VWA8: variants seen among roughly 807,000 people sequenced by gnomAD.
VWA8 encodes von Willebrand factor A domain containing 8.
Under a neutral mutation model 241.5 loss-of-function variants are expected in VWA8, and 221 were observed. That is an observed-to-expected ratio of 0.91 (90% CI 0.82 to 1.02). VWA8 has a LOEUF of 1.02. Ranked by LOEUF, VWA8 falls within the 50% of genes least tolerant of loss-of-function variation. VWA8 has a pLI of 0.00. For synonymous variants in VWA8, 852 were observed against 827.1 expected (o/e 1.03, Z -0.52); for missense variants, 2,322 against 2,328.7 (o/e 1.00, Z 0.06).
intron 9 of VWA8, among the ~76,000 whole-genome samples, chr13:41,871,553 G>C (rs1259612262): frequency 6.6e-6 from 1 of 152,104 alleles, no homozygotes; most frequent in Admixed American, 6.6e-5. Flanking sequence ...AGAATATGCG[G>C]TGTTTGGTTT....
chr13:41,713,355 C>T (rs2045330222), intron 26 of VWA8, among the ~76,000 whole-genome samples: 1 of 152,094 alleles, frequency 6.6e-6, no homozygotes. Flanking sequence ...CAAAAACAAC[C>T]ACTACAAACA....
intron 41 of VWA8, among the ~76,000 whole-genome samples, chr13:41,589,961 G>A (rs372413946): frequency 6.6e-6 from 1 of 152,250 alleles, no homozygotes; most frequent in East Asian, 1.9e-4. Context: ...GTTTCACCCC[G>A]GTGCACATTA....
chr13:41,586,683 T>C (rs1475213361), intron 42 of VWA8, among the ~76,000 whole-genome samples: 1 of 152,118 alleles, frequency 6.6e-6, no homozygotes, highest in African/African-American at 2.4e-5. Flanking sequence ...CTGGGGTGCA[T>C]GTGGGATGTC....
chr13:41,936,705 T>C (rs1005422660), intron 2 of VWA8, among the ~76,000 whole-genome samples: 5 of 152,206 alleles, frequency 3.3e-5, no homozygotes, highest in Admixed American at 1.3e-4. Context: ...CTATAGTTAT[T>C]AACAATGTAT....
At position 41,886,740 on chromosome 13, in the gene VWA8, T is replaced by G. The variant is rs749802257; in HGVS notation, c.866+41A>C. 3.3e-6 allele frequency: 5 copies of G among 1,503,756 alleles called. No homozygotes were observed. In the African/African-American group the frequency reaches 7.0e-5, roughly 21 times the overall value. 93.2% of individuals were successfully genotyped at this position (1,503,756 alleles called of 1,614,324 possible). On this transcript the variant is annotated intron_variant, in intron 7 of 44. Transcript: ENST00000379310. ...TCAATCAATGAACAGGCAAAACAAA[T>G]TCAATATTCAGTGTCCAGACATTTA...
intron 20 of VWA8, among the ~76,000 whole-genome samples, chr13:41,764,412 T>C (rs1008999216): frequency 6.6e-6 from 1 of 152,130 alleles, no homozygotes; most frequent in African/African-American, 2.4e-5. Flanking sequence ...ACTGTACTAG[T>C]TGAGCTGGAT....
chr13:41,708,401 C>T (rs774254392), intron 26 of VWA8, among the ~76,000 whole-genome samples: 39 of 152,074 alleles, frequency 2.6e-4, no homozygotes, highest in South Asian at 1.7e-3. Flanking sequence ...AAAAAGCCAG[C>T]ACATTAAAGA....
chr13:41,670,761 T>A (rs2045016658), intron 37 of VWA8, among the ~76,000 whole-genome samples, 185 bp downstream of exon 37: 1 of 152,254 alleles, frequency 6.6e-6, no homozygotes, highest in African/African-American at 2.4e-5. Context: ...GGCACATTTT[T>A]ACTTTTTCAT....
chr13:41,605,065 T>C (rs1417609532), intron 40 of VWA8, 103 bp downstream of exon 40: 4 of 1,080,596 alleles, frequency 3.7e-6, no homozygotes, highest in South Asian at 2.9e-5. Flanking sequence ...GAGACATTTT[T>C]TCGGACTGGC....
chr13:41,912,894 G>C (rs934900891), intron 2 of VWA8, among the ~76,000 whole-genome samples: 7 of 152,146 alleles, frequency 4.6e-5, no homozygotes, highest in African/African-American at 1.7e-4. Context: ...CAATTAGTTT[G>C]GTTTTGCTCA....
chr13:41,751,458 G>A (rs957675175), intron 21 of VWA8, among the ~76,000 whole-genome samples: 6 of 152,152 alleles, frequency 3.9e-5, no homozygotes, highest in African/African-American at 1.2e-4. Context: ...TAAGAATGCT[G>A]TGATGACTCA....
intron 21 of VWA8, among the ~76,000 whole-genome samples, chr13:41,758,408 ATATATATATATATATATATATACG>A (rs2045712762): frequency 2.6e-5 from 2 of 76,350 alleles, no homozygotes; most frequent in African/African-American, 4.7e-5. Flanking sequence ...GTATATATAT[ATATATATATATATATATATATACG>A]CTAGTATATA....
At chr13:41,882,049 G>A (rs1781836920) in intron 9 of VWA8, among the ~76,000 whole-genome samples, 1 of 129,846 alleles carries the variant, frequency 7.7e-6, no homozygotes, top group African/African-American at 3.2e-5. Flanking sequence ...CTTCTCAGAC[G>A]GGCGGTTGCC....
intron 40 of VWA8, among the ~76,000 whole-genome samples, chr13:41,600,321 T>C (rs893910542): frequency 1.3e-5 from 2 of 152,148 alleles, no homozygotes; most frequent in Non-Finnish European, 2.9e-5. Flanking sequence ...GTCAGGACTA[T>C]ATTTCTAGGC....
intron 35 of VWA8, among the ~76,000 whole-genome samples, chr13:41,680,416 C>CT (rs1397326652): frequency 6.6e-6 from 1 of 152,088 alleles, no homozygotes; most frequent in Non-Finnish European, 1.5e-5. Flanking sequence ...TTCTTTCTCT[C>CT]TTTTTTTACA....
At position 41,786,468 on chromosome 13, in the gene VWA8, C is replaced by T. The variant is rs149399101; in HGVS notation, c.2170+969G>A. On this transcript the variant is annotated intron_variant, in intron 18 of 44. Transcript: ENST00000379310. ...AGTCTCTTCACTTAGGCTCCTTATC[C>T]CCTACATGAGGCTTAGATGGGCACT... Among the ~76,000 whole-genome samples, 920 of 152,186 alleles carry T rather than the reference C, an allele frequency of 6.0e-3. 7 individuals are homozygous for T. Among genetic ancestry groups the T allele is most frequent in the Middle Eastern group, 0.054 (16 of 294 alleles).
Position 41,689,375 on chromosome 13 carries a change from A to G in VWA8, c.4110T>C (p.Val1370=). ...LSDEKNYATI[V]VGFPDLMSPS... ...TTACCATGAGATCTGGAAAACCAAC[A>G]ACTATTGTAGCATAATTTTTCTCAT... The change falls in exon 34 of 45, where the codon GTT becomes GTC. Residue 1370 remains valine, a synonymous_variant. Coordinates refer to ENST00000379310, the MANE Select transcript of VWA8 (RefSeq NM_015058.2). 1 of 1,609,724 alleles carries G rather than the reference A, an allele frequency of 6.2e-7. No individual in the cohort carries two copies. Among genetic ancestry groups the G allele is most frequent in the Non-Finnish European group, 8.5e-7 (1 of 1,178,312 alleles).
chr13:41,958,870 G>A (rs769496214), intron 1 of VWA8, among the ~76,000 whole-genome samples: 2 of 152,128 alleles, frequency 1.3e-5, no homozygotes, highest in Non-Finnish European at 2.9e-5. Flanking sequence ...TTGATTTACT[G>A]GCTATAACAA....
chr13:41,756,344 G>A (rs967991616), intron 21 of VWA8, among the ~76,000 whole-genome samples: 7 of 151,456 alleles, frequency 4.6e-5, no homozygotes, highest in Middle Eastern at 3.4e-3. Flanking sequence ...CTCCTTTTTC[G>A]CTGGTTATGA....
Sources: allele counts gnomAD v4.1 joint callset (sites outside exome capture counted in the v4.1 genomes callset), GRCh38; gene constraint gnomAD v4.1.1; transcripts MANE v1.5; gene names NCBI Gene and HGNC (gene_info 2026-07-23, HGNC 2026-07-21).